CAMTA1: variants seen among roughly 807,000 people sequenced by gnomAD.
The protein encoded by CAMTA1 is calmodulin-binding transcription activator 1.
In CAMTA1, 27 loss-of-function variants were observed where a neutral mutation model predicts 170.9. That is an observed-to-expected ratio of 0.16 (90% CI 0.12 to 0.22). The LOEUF (loss-of-function observed/expected upper bound fraction) is 0.22. CAMTA1 is among the 10% of genes least tolerant of loss of function. The probability of loss-of-function intolerance (pLI) is 1.00; values close to 1 mark genes in which losing one functional copy is unlikely to be tolerated. For synonymous variants in CAMTA1, 833 were observed against 891.5 expected (o/e 0.93, Z 1.17); for missense variants, 1,619 against 2,217.2 (o/e 0.73, Z 5.42).
At chr1:7,618,348 G>C (rs1329465818) in intron 6 of CAMTA1, among the ~76,000 whole-genome samples, 1 of 152,284 alleles carries the variant, frequency 6.6e-6, no homozygotes, top group Non-Finnish European at 1.5e-5. Flanking sequence ...CCCCACCCAG[G>C]AGAACCACTT....
At chr1:7,383,055 G>C (rs977322731) in intron 5 of CAMTA1, among the ~76,000 whole-genome samples, 4 of 152,176 alleles carry the variant, frequency 2.6e-5, no homozygotes, top group Non-Finnish European at 4.4e-5. Context: ...TGCTTGTGTG[G>C]AGCTTAGCGT....
rs1412855103 is a variant in CAMTA1, at chr1:7,561,044, G to T, written c.511-79356G>T. ...AGAAGCCCTGGCCCTCTGCGCTCAG[G>T]CTCAGGGGGTGACGCTGGGCTGGGC... On this transcript the variant is annotated intron_variant, in intron 6 of 22. Transcript: ENST00000303635. The surrounding 1 kb of genome is among the most constrained non-coding windows in gnomAD (Gnocchi z 5.3). Among the ~76,000 whole-genome samples the T allele has an allele frequency of 1.3e-5, 2 of 152,142 alleles. No individual in the cohort carries two copies. The highest frequency in any genetic ancestry group is 4.8e-5 in the African/African-American group (2 of 41,448).
chr1:7,131,130 T>A (rs1166944801), intron 4 of CAMTA1, among the ~76,000 whole-genome samples: 1 of 152,116 alleles, frequency 6.6e-6, no homozygotes, highest in East Asian at 1.9e-4. Context: ...ATTTTTGTAT[T>A]TTTAGTAGAG....
At chr1:7,058,078 G>A (rs936495622) in intron 3 of CAMTA1, among the ~76,000 whole-genome samples, 5 of 152,110 alleles carry the variant, frequency 3.3e-5, no homozygotes, top group African/African-American at 4.8e-5. Flanking sequence ...GACGGAGACC[G>A]GCCCCTTCCT....
chr1:7,214,685 G>A (rs1020301727), intron 4 of CAMTA1, among the ~76,000 whole-genome samples: 1 of 152,086 alleles, frequency 6.6e-6, no homozygotes, highest in Non-Finnish European at 1.5e-5. Context: ...TAATTTTCAT[G>A]AAGTCTACTT....
intron 4 of CAMTA1, among the ~76,000 whole-genome samples, chr1:7,165,884 G>A (rs1025331099): frequency 6.6e-5 from 10 of 152,286 alleles, no homozygotes; most frequent in Non-Finnish European, 1.5e-4. Context: ...GATCCTTACA[G>A]AGAGATGATA....
At chr1:6,797,968 C>T (rs1448557888) in intron 1 of CAMTA1, among the ~76,000 whole-genome samples, 2 of 150,044 alleles carry the variant, frequency 1.3e-5, no homozygotes, top group Non-Finnish European at 3.0e-5. Flanking sequence ...ATAAAAGAAT[C>T]TATTTGCAAG....
At chr1:7,206,204 T>C (rs1363217910) in intron 4 of CAMTA1, among the ~76,000 whole-genome samples, 5 of 152,220 alleles carry the variant, frequency 3.3e-5, no homozygotes, top group Admixed American at 3.3e-4. Context: ...TGAACTATAG[T>C]ATCAATTTGT....
At chr1:7,022,510 A>G (rs1701503497) in intron 3 of CAMTA1, among the ~76,000 whole-genome samples, 1 of 152,234 alleles carries the variant, frequency 6.6e-6, no homozygotes, top group Admixed American at 6.5e-5. Flanking sequence ...AAATTTGGTC[A>G]GTTCTTGGTT....
At chr1:7,440,350 C>T (rs2149403590) in intron 5 of CAMTA1, among the ~76,000 whole-genome samples, 1 of 152,370 alleles carries the variant, frequency 6.6e-6, no homozygotes, top group Non-Finnish European at 1.5e-5. Context: ...AGGCCAATGT[C>T]CCCAGGGCAG....
intron 3 of CAMTA1, among the ~76,000 whole-genome samples, chr1:7,036,376 C>T (rs1703597013): frequency 6.6e-6 from 1 of 152,184 alleles, no homozygotes; most frequent in African/African-American, 2.4e-5. Context: ...TAAATGAATA[C>T]TAGTTGGCGA....
At chr1:7,016,151 A>G (rs1700505146) in intron 3 of CAMTA1, among the ~76,000 whole-genome samples, 1 of 152,068 alleles carries the variant, frequency 6.6e-6, no homozygotes. Context: ...CTCTGCCACC[A>G]TGGGTTGGTC....
intron 2 of CAMTA1, among the ~76,000 whole-genome samples, chr1:6,821,894 A>G (rs994094557): frequency 5.9e-5 from 9 of 152,178 alleles, no homozygotes; most frequent in African/African-American, 2.2e-4. Flanking sequence ...GTTATATTAT[A>G]CTACACCTTG....
chr1:6,858,528 C>G (rs1663379326), intron 3 of CAMTA1, among the ~76,000 whole-genome samples: 1 of 147,492 alleles, frequency 6.8e-6, no homozygotes, highest in South Asian at 2.1e-4. Context: ...ATTACAGAAA[C>G]CAGTTTAGCC....
At chr1:7,359,002 G>T (rs1187166399) in intron 5 of CAMTA1, among the ~76,000 whole-genome samples, 1 of 152,152 alleles carries the variant, frequency 6.6e-6, no homozygotes, top group African/African-American at 2.4e-5. Context: ...AGCCCATGTG[G>T]CACACTGGGA....
chr1:7,549,287 G>A (rs72865451), intron 6 of CAMTA1, among the ~76,000 whole-genome samples: 11,078 of 151,952 alleles, frequency 0.073, 1,336 homozygotes, highest in African/African-American at 0.25. Context: ...TAGGGGTGGA[G>A]ATGCCCGTGG....
At chr1:7,477,009 A>G (rs544024096) in intron 6 of CAMTA1, among the ~76,000 whole-genome samples, 4 of 152,320 alleles carry the variant, frequency 2.6e-5, no homozygotes, top group Non-Finnish European at 5.9e-5. Flanking sequence ...CAGACCTTGC[A>G]GGAAAGACAA....
rs1052102913 is a variant in CAMTA1, at chr1:7,293,375, T to A, written c.438+43749T>A. Among the ~76,000 whole-genome samples the A allele has an allele frequency of 2.6e-5, 4 of 152,224 alleles. No homozygotes were observed. The East Asian group carries it at 7.8e-4, about 30-fold the overall frequency. ...TGGACACTGTTTCAGGGCTGGCATT[T>A]CTCTGGCACTCGGTGTGAGCAAAGC... On this transcript the variant is annotated intron_variant, in intron 5 of 22. Transcript: ENST00000303635. The surrounding 1 kb of genome is among the most constrained non-coding windows in gnomAD (Gnocchi z 4.1).
rs1709133223 is a variant in CAMTA1, at chr1:7,067,647, C to T, written c.235-23657C>T. 1.3e-5 allele frequency among the ~76,000 whole-genome samples: 2 copies of T among 152,234 alleles called. No homozygotes were observed. Among genetic ancestry groups the T allele is most frequent in the South Asian group, 4.1e-4 (2 of 4,834 alleles). ...TCTATTTGTCTATTTTAACCCAGAA[C>T]ATCTTCTGAGAGGATCAGTTTTACC... is the stretch of plus-strand genomic sequence containing the variant. On this transcript the variant is annotated intron_variant, in intron 3 of 22. Coordinates refer to ENST00000303635, the MANE Select transcript of CAMTA1 (RefSeq NM_015215.4). This position sits in a 1 kb window ranked among gnomAD's most constrained non-coding sequence, Gnocchi z 4.3.
Sources: gnomAD v4.1 joint callset for allele counts (sites outside exome capture counted in the v4.1 genomes callset) on GRCh38, gnomAD v4.1.1 for gene constraint, Gnocchi (gnomAD v3.1) non-coding constraint, MANE v1.5 for transcripts, NCBI Gene and HGNC (gene_info 2026-07-23, HGNC 2026-07-21) for gene names.